The following KLHL14 variants were observed in gnomAD, a reference collection of about 807,000 sequenced individuals.
KLHL14 encodes the protein kelch-like protein 14.
In KLHL14, 22 loss-of-function variants were observed where a neutral mutation model predicts 64.3. That is an observed-to-expected ratio of 0.34 (90% CI 0.24 to 0.49). The LOEUF (loss-of-function observed/expected upper bound fraction) is 0.49. KLHL14 is among the 20% of genes least tolerant of loss of function. KLHL14 has a pLI of 0.99. For synonymous variants in KLHL14, 322 were observed against 333.4 expected (o/e 0.97, Z 0.37); for missense variants, 661 against 789.0 (o/e 0.84, Z 1.94).
At chr18:32,724,411 A>G (rs570074648) in intron 3 of KLHL14, among the ~76,000 whole-genome samples, 4 of 152,310 alleles carry the variant, frequency 2.6e-5, no homozygotes, top group African/African-American at 9.6e-5. Context: ...AACCTCCATT[A>G]CCCTAGAGAG....
intron 5 of KLHL14, among the ~76,000 whole-genome samples, chr18:32,681,014 T>C (rs149455772): frequency 5.4e-4 from 82 of 152,288 alleles, no homozygotes; most frequent in African/African-American, 1.9e-3. Flanking sequence ...TTATGGTCCT[T>C]CAAGGGTCAT....
At chr18:32,688,290 T>G (rs2049889961) in intron 4 of KLHL14, among the ~76,000 whole-genome samples, 1 of 152,130 alleles carries the variant, frequency 6.6e-6, no homozygotes, top group South Asian at 2.1e-4. Context: ...TGTGTGCATG[T>G]GCTCACACAG....
intron 3 of KLHL14, among the ~76,000 whole-genome samples, chr18:32,714,887 CT>C (rs67708920): frequency 0.056 from 8,245 of 146,638 alleles, 737 homozygotes; most frequent in African/African-American, 0.19. Flanking sequence ...TCTGGTGGTC[CT>C]TTTTTTTTTT....
chr18:32,695,582 T>G (rs756769315), intron 3 of KLHL14, 30 bp from the exon 4 acceptor site: 5 of 1,407,234 alleles, frequency 3.6e-6, no homozygotes, highest in South Asian at 2.4e-5. Flanking sequence ...AAAAGACATA[T>G]GAAATTTTCC....
At chr18:32,708,479 G>A (rs892596363) in intron 3 of KLHL14, among the ~76,000 whole-genome samples, 6 of 152,166 alleles carry the variant, frequency 3.9e-5, no homozygotes, top group East Asian at 3.8e-4. Flanking sequence ...AGGTAGCAGC[G>A]TGCCCTATTC....
At chr18:32,679,740 C>T (rs1388977266) in intron 7 of KLHL14, among the ~76,000 whole-genome samples, 1 of 151,934 alleles carries the variant, frequency 6.6e-6, no homozygotes, top group Non-Finnish European at 1.5e-5. Context: ...TAAATATTAC[C>T]TTTAAAAAAA....
chr18:32,768,413 A>ACT (rs1247304718), intron 2 of KLHL14, among the ~76,000 whole-genome samples: 237 of 151,842 alleles, frequency 1.6e-3, no homozygotes, highest in African/African-American at 5.2e-3. Flanking sequence ...ACACACACAC[A>ACT]CACACACACA....
At chr18:32,737,679 C>T (rs1251861252) in intron 3 of KLHL14, 3 of 152,164 alleles carry the variant, frequency 2.0e-5, no homozygotes, top group African/African-American at 7.2e-5. Context: ...CCCCTCCTAT[C>T]TGGATGGGAT....
intron 7 of KLHL14, among the ~76,000 whole-genome samples, chr18:32,679,617 A>C (rs2049828357): frequency 6.6e-6 from 1 of 152,180 alleles, no homozygotes; most frequent in African/African-American, 2.4e-5. Context: ...ACATGTCTCT[A>C]AAAATGCTAT....
intron 5 of KLHL14, among the ~76,000 whole-genome samples, chr18:32,684,167 T>C (rs2049858674): frequency 1.3e-5 from 2 of 152,326 alleles, no homozygotes; most frequent in Middle Eastern, 3.4e-3. Context: ...CTCTCTTTAC[T>C]GAAGAATTAA....
intron 7 of KLHL14, among the ~76,000 whole-genome samples, chr18:32,677,969 C>CT (rs2049819616): frequency 6.6e-6 from 1 of 152,196 alleles, no homozygotes; most frequent in Admixed American, 6.5e-5. Context: ...TGTTCAGCAT[C>CT]TTTTACCTTT....
At chr18:32,739,835 G>A (rs138830183) in intron 3 of KLHL14, among the ~76,000 whole-genome samples, 9 of 152,236 alleles carry the variant, frequency 5.9e-5, no homozygotes, top group Admixed American at 2.6e-4. Context: ...CTGTTGCAGT[G>A]TTACTTGTCT....
chr18:32,742,885 A>C (rs999826019), intron 2 of KLHL14: 1 of 152,302 alleles, frequency 6.6e-6, no homozygotes, highest in South Asian at 2.1e-4. Context: ...CTACCCACCC[A>C]TCAAGAGCTG....
At chr18:32,759,131 A>G (rs1407094943) in intron 2 of KLHL14, among the ~76,000 whole-genome samples, 2 of 152,234 alleles carry the variant, frequency 1.3e-5, no homozygotes, top group Non-Finnish European at 2.9e-5. Context: ...AAGCTGCTCA[A>G]TGTGAATCTA....
chr18:32,752,956 TG>T (rs1167829342), intron 2 of KLHL14, among the ~76,000 whole-genome samples: 1 of 730 alleles, frequency 1.4e-3, no homozygotes, highest in Non-Finnish European at 7.4e-3. Flanking sequence ...GCATCATATT[TG>T]TGTGTGTGTG....
At chr18:32,720,539 C>T (rs1272800233) in intron 3 of KLHL14, among the ~76,000 whole-genome samples, 1 of 152,090 alleles carries the variant, frequency 6.6e-6, no homozygotes, top group Non-Finnish European at 1.5e-5. Flanking sequence ...AGTAGTCTGC[C>T]TCAAGAAAGA....
At chr18:32,710,369 T>C (rs1033353432) in intron 3 of KLHL14, among the ~76,000 whole-genome samples, 2 of 152,224 alleles carry the variant, frequency 1.3e-5, no homozygotes, top group African/African-American at 4.8e-5. Context: ...GAATGTGTGG[T>C]TTCCAGAAGA....
intron 2 of KLHL14, among the ~76,000 whole-genome samples, chr18:32,768,669 A>T (rs377436618): frequency 1.3e-5 from 2 of 152,220 alleles, no homozygotes; most frequent in African/African-American, 4.8e-5. Flanking sequence ...CTCATTAAAA[A>T]TGGTTTTAAA....
At chr18:32,693,627 A>G (rs2049922845) in intron 4 of KLHL14, among the ~76,000 whole-genome samples, 1 of 152,184 alleles carries the variant, frequency 6.6e-6, no homozygotes, top group African/African-American at 2.4e-5. Flanking sequence ...ACTTTGGTCT[A>G]AAGAATTTAT....
Sources: allele counts gnomAD v4.1 joint callset (sites outside exome capture counted in the v4.1 genomes callset), GRCh38; gene constraint gnomAD v4.1.1; transcripts MANE v1.5; gene names NCBI Gene and HGNC (gene_info 2026-07-23, HGNC 2026-07-21).